Variants in SATB2 observed in about 807,000 individuals in gnomAD.
SATB2 encodes the protein DNA-binding protein SATB2.
A neutral mutation model predicts 73.4 loss-of-function variants in SATB2; 1 was observed. The observed-to-expected ratio is 0.01, with a 90% CI of 0.00 to 0.06. The LOEUF (loss-of-function observed/expected upper bound fraction) is 0.06. Among genes scored for constraint, SATB2 ranks in the 10% least tolerant of loss-of-function variants. The pLI, the probability that SATB2 is intolerant of heterozygous loss-of-function variation, is 1.00. For synonymous variants in SATB2, 397 were observed against 367.0 expected, an observed-to-expected ratio of 1.08 and a Z score of -0.93; for missense variants, 459 against 945.8, an observed-to-expected ratio of 0.49 and a Z score of 6.75.
chr2:199,375,282 C>T (rs921722145), intron 5 of SATB2, among the ~76,000 whole-genome samples: 7 of 152,102 alleles, frequency 4.6e-5, no homozygotes, highest in African/African-American at 1.7e-4. Flanking sequence ...CTCAGGACAG[C>T]CAGTGGCAGA....
intron 7 of SATB2, among the ~76,000 whole-genome samples, chr2:199,329,982 A>C (rs1232562164): frequency 6.6e-6 from 1 of 152,190 alleles, no homozygotes; most frequent in African/African-American, 2.4e-5. Flanking sequence ...CCTCCTGGGA[A>C]GACCTGAGAT....
At chr2:199,330,630 T>C (rs990571766) in intron 7 of SATB2, among the ~76,000 whole-genome samples, 3 of 152,220 alleles carry the variant, frequency 2.0e-5, no homozygotes, top group Admixed American at 6.5e-5. Context: ...TGTGATACAA[T>C]CTAAGTATCG....
chr2:199,432,911 G>T (rs1017436425), intron 3 of SATB2, among the ~76,000 whole-genome samples: 1 of 152,022 alleles, frequency 6.6e-6, no homozygotes, highest in Admixed American at 6.6e-5. Context: ...AAGGATAAAA[G>T]ACATCCATTT....
chr2:199,356,836 AG>A (rs1688999418), intron 6 of SATB2, among the ~76,000 whole-genome samples: 1 of 152,160 alleles, frequency 6.6e-6, no homozygotes, highest in African/African-American at 2.4e-5. Context: ...TTGGCATTTC[AG>A]GTAACACCAA....
At chr2:199,386,032 A>C (rs1349419889) in intron 3 of SATB2, among the ~76,000 whole-genome samples, 1 of 152,182 alleles carries the variant, frequency 6.6e-6, no homozygotes, top group Non-Finnish European at 1.5e-5. Context: ...AAGGGACAAT[A>C]GATCCTTGTA....
At chr2:199,460,378 C>T (rs1476597806), upstream of SATB2, 1 of 152,260 alleles carries the variant, frequency 6.6e-6, no homozygotes, top group East Asian at 1.9e-4. This position sits in a 1 kb window ranked among gnomAD's most constrained non-coding sequence, Gnocchi z 4.0. Context: ...AAACTTAGCC[C>T]GTTTACAACA....
At chr2:199,366,295 A>C (rs536795291) in intron 6 of SATB2, among the ~76,000 whole-genome samples, 1 of 152,088 alleles carries the variant, frequency 6.6e-6, no homozygotes, top group Non-Finnish European at 1.5e-5. Context: ...TCATTTTGAA[A>C]GCAGGGACAC....
intron 8 of SATB2, among the ~76,000 whole-genome samples, chr2:199,324,736 AAAG>A (rs1239008861): frequency 6.6e-6 from 1 of 152,144 alleles, no homozygotes; most frequent in Non-Finnish European, 1.5e-5. Context: ...ACTTAATCCA[AAAG>A]ACGGTCATAA....
intron 3 of SATB2, among the ~76,000 whole-genome samples, chr2:199,399,619 G>A (rs1690410377): frequency 6.6e-6 from 1 of 152,202 alleles, no homozygotes; most frequent in Non-Finnish European, 1.5e-5. Flanking sequence ...GAAGAAGCAT[G>A]TTGCTGGCAT....
intron 7 of SATB2, among the ~76,000 whole-genome samples, chr2:199,336,526 C>A (rs924528362): frequency 1.3e-5 from 2 of 152,146 alleles, no homozygotes; most frequent in Non-Finnish European, 2.9e-5. Context: ...GTATCAGATG[C>A]CTTCAGATAT....
At chr2:199,410,863 C>G (rs1372580705) in intron 3 of SATB2, among the ~76,000 whole-genome samples, 3 of 152,098 alleles carry the variant, frequency 2.0e-5, no homozygotes, top group Non-Finnish European at 4.4e-5. Context: ...CATTTATGGT[C>G]TGGTAAGACA....
chr2:199,370,148 C>T (rs1008051572), intron 5 of SATB2, among the ~76,000 whole-genome samples: 4 of 152,126 alleles, frequency 2.6e-5, no homozygotes, highest in South Asian at 4.1e-4. Flanking sequence ...CGACCAAGTA[C>T]GGCTGTTCCC....
chr2:199,400,376 A>C (rs1690435038), intron 3 of SATB2, among the ~76,000 whole-genome samples: 1 of 152,188 alleles, frequency 6.6e-6, no homozygotes, highest in African/African-American at 2.4e-5. Flanking sequence ...TATGATACCA[A>C]TTCTTTTATG....
intron 7 of SATB2, among the ~76,000 whole-genome samples, chr2:199,331,116 C>A (rs1256066461): frequency 6.6e-6 from 1 of 151,806 alleles, no homozygotes; most frequent in African/African-American, 2.4e-5. Context: ...AGTGACATAA[C>A]AAAACTATTG....
At chr2:199,468,006 C>A (rs1485545594), upstream of SATB2, 1 of 152,194 alleles carries the variant, frequency 6.6e-6, no homozygotes, top group Non-Finnish European at 1.5e-5. Flanking sequence ...AAGAGTAACA[C>A]CACCCTCCAC....
chr2:199,309,551 C>G (rs1246373652), intron 9 of SATB2, among the ~76,000 whole-genome samples: 2 of 152,236 alleles, frequency 1.3e-5, no homozygotes, highest in African/African-American at 4.8e-5. Context: ...CCCGCAACAG[C>G]CACACCTGCA....
intron 3 of SATB2, among the ~76,000 whole-genome samples, chr2:199,430,959 A>T (rs1025325823): frequency 6.6e-6 from 1 of 152,218 alleles, no homozygotes; most frequent in Non-Finnish European, 1.5e-5. Context: ...CTATCCTTGC[A>T]GTTTAGTTCT....
At chr2:199,447,508 C>A (rs921250176) in intron 2 of SATB2, among the ~76,000 whole-genome samples, 16 of 152,136 alleles carry the variant, frequency 1.1e-4, no homozygotes, top group Non-Finnish European at 1.6e-4. Context: ...CCCATCTAAC[C>A]CTTACTTGGC....
At chr2:199,321,783 AC>A in intron 9 of SATB2, among the ~76,000 whole-genome samples, 1 of 152,210 alleles carries the variant, frequency 6.6e-6, no homozygotes, top group East Asian at 1.9e-4. Context: ...TAAAAAAAAA[AC>A]ATAATAAACA....
Sources: allele counts gnomAD v4.1 joint callset (sites outside exome capture counted in the v4.1 genomes callset), GRCh38; gene constraint gnomAD v4.1.1; non-coding constraint Gnocchi (gnomAD v3.1); transcripts MANE v1.5; gene names NCBI Gene and HGNC (gene_info 2026-07-23, HGNC 2026-07-21).